Variants in LRP2BP observed in about 807,000 individuals in gnomAD.
LRP2BP encodes LRP2 binding protein, also known as LRP2-binding protein.
A neutral mutation model predicts 45.2 loss-of-function variants in LRP2BP; 38 were observed. The observed-to-expected ratio is 0.84, with a 90% confidence interval of 0.65 to 1.10. The LOEUF is 1.10. Among genes scored for constraint, LRP2BP ranks in the 50% least tolerant of loss-of-function variants. The pLI is 0.00. For missense variants in LRP2BP, 385 were observed against 418.9 expected, an observed-to-expected ratio of 0.92 and a Z score of 0.71; for synonymous variants, 153 against 153.9, an observed-to-expected ratio of 0.99 and a Z score of 0.04.
Position 185,394,791 on chromosome 4 carries a change from G to T in LRP2BP, c.-34C>A, listed in dbSNP as rs570358373. The T allele has an allele frequency of 2.0e-6, 2 of 984,970 alleles. No individual in the cohort carries two copies. Among genetic ancestry groups the T allele is most frequent in the Non-Finnish European group, 2.4e-6 (2 of 829,804 alleles). 61.0% of individuals were successfully genotyped at this position (984,970 alleles called of 1,614,324 possible). A position where few individuals can be genotyped will look rare whatever the true frequency, so the allele number is the denominator to read the frequency against. On this transcript the variant is annotated 5_prime_UTR_variant, in exon 1 of 9. Transcript: ENST00000505916. ...TTCGGTCACTTACTCATCATCCAAC[G>T]TTTTTTTTAACACTCGCTGTAAATG...
rs1481110954 is a variant in LRP2BP at position 185,366,166 on chromosome 4, A to G, written c.*1014T>C. ...TTTCACAAATGAATAGCCTTGTACA[A>G]TCTTATGCATATGGATCTTACTGTT... On this transcript the variant is annotated 3_prime_UTR_variant, in exon 9 of 9. Transcript: ENST00000505916. 6.6e-6 allele frequency: 1 copy of G among 152,230 alleles called. No individual in the cohort carries two copies. The highest frequency in any genetic ancestry group is 1.9e-4 in the East Asian group (1 of 5,206). 9.4% of individuals were successfully genotyped at this position (152,230 alleles called of 1,614,324 possible).
intron 2 of LRP2BP, chr4:185,377,877 A>G (rs1176877090): frequency 1.8e-5 from 9 of 505,862 alleles, no homozygotes; most frequent in Non-Finnish European, 3.1e-5. Flanking sequence ...ATCAAGACCT[A>G]ACTATCTGTG....
chr4:185,373,081 TAAGAA>T lies in LRP2BP; in HGVS notation c.580-7_580-3del. 1 of 1,603,176 alleles carries T rather than the reference TAAGAA, an allele frequency of 6.2e-7. No homozygotes were observed. Among genetic ancestry groups the T allele is most frequent in the Non-Finnish European group, 8.5e-7 (1 of 1,170,668 alleles). Reference sequence around the variant, plus strand: ...TGCTTCGGAATGCCAGTAAAATGCCTAAGAAAAGCACAGTTTCATCATTGTATTTG... The same window carrying T: ...TGCTTCGGAATGCCAGTAAAATGCCTAAGCACAGTTTCATCATTGTATTTG... On this transcript the variant is annotated splice_region_variant and splice_polypyrimidine_tract_variant and intron_variant, in intron 6 of 8. Transcript: ENST00000505916.
intron 1 of LRP2BP, among the ~76,000 whole-genome samples, chr4:185,393,084 C>G (rs1304580054): frequency 6.6e-6 from 1 of 152,166 alleles, no homozygotes; most frequent in Non-Finnish European, 1.5e-5. Flanking sequence ...CAGGCACGCA[C>G]CACACACCTG....
rs760858812 is a variant in LRP2BP at position 185,364,565 on chromosome 4, A to G, written c.*2615T>C. ...TTTATATACGTATGATATACATATC[A>G]TACCTGCTAACTTCTTGATAAGAAA... On this transcript the variant is annotated 3_prime_UTR_variant, in exon 9 of 9. Coordinates refer to ENST00000505916, the MANE Select transcript of LRP2BP (RefSeq NM_001377440.1). 2 of 152,240 alleles carry G rather than the reference A, an allele frequency of 1.3e-5. No individual in the cohort carries two copies. Among genetic ancestry groups the G allele is most frequent in the Non-Finnish European group, 2.9e-5 (2 of 68,046 alleles). The allele number at this position is 152,240 out of a possible 1,614,324, so 9.4% of individuals were successfully genotyped here. A position where few individuals can be genotyped will look rare whatever the true frequency, so the allele number is the denominator to read the frequency against.
At chr4:185,391,954 T>C (rs2095489467) in intron 1 of LRP2BP, among the ~76,000 whole-genome samples, 1 of 152,234 alleles carries the variant, frequency 6.6e-6, no homozygotes, top group African/African-American at 2.4e-5. Flanking sequence ...CATCTGAATC[T>C]ATATTAAGCT....
intron 2 of LRP2BP, chr4:185,377,667 G>A (rs1442834349): frequency 5.9e-6 from 1 of 170,058 alleles, no homozygotes; most frequent in East Asian, 1.7e-4. Context: ...GGAGAGGTGA[G>A]TTAAATTCTT....
At chr4:185,374,977 G>A (rs182490699) in intron 4 of LRP2BP, among the ~76,000 whole-genome samples, 83 of 152,124 alleles carry the variant, frequency 5.5e-4, no homozygotes, top group African/African-American at 1.8e-3. Context: ...CATCTGCTAC[G>A]TGGTCACAAG....
rs1284487776 is a variant in LRP2BP, at chr4:185,366,098, T to C, written c.*1082A>G. 1.3e-5 allele frequency: 2 copies of C among 152,336 alleles called. No individual in the cohort carries two copies. The highest frequency in any genetic ancestry group is 1.9e-4 in the East Asian group (1 of 5,186). 9.4% of individuals were successfully genotyped at this position (152,336 alleles called of 1,614,324 possible). On this transcript the variant is annotated 3_prime_UTR_variant, in exon 9 of 9. Coordinates refer to ENST00000505916, the MANE Select transcript of LRP2BP (RefSeq NM_001377440.1). ...TTTAATATGTTTATAAAAAAAGGAA[T>C]AGTTAAGGTATCTCTGAGACCTGTC...
At chr4:185,394,515 G>A (rs2095496733) in intron 1 of LRP2BP, among the ~76,000 whole-genome samples, 1 of 152,190 alleles carries the variant, frequency 6.6e-6, no homozygotes, top group Admixed American at 6.5e-5. Flanking sequence ...TGAGGCACAA[G>A]TGCTCAATTA....
intron 1 of LRP2BP, among the ~76,000 whole-genome samples, chr4:185,393,414 G>T (rs2095493511): frequency 6.6e-6 from 1 of 152,116 alleles, no homozygotes; most frequent in African/African-American, 2.4e-5. Flanking sequence ...TAAGAAACAG[G>T]AAAACCACAG....
rs2095500858 is a variant in LRP2BP at position 185,395,865 on chromosome 4, A to T, written c.-1108T>A. The T allele has an allele frequency of 2.0e-6, 2 of 985,464 alleles. No individual in the cohort carries two copies. The highest frequency in any genetic ancestry group is 3.5e-5 in the African/African-American group (2 of 57,348). 61.0% of individuals were successfully genotyped at this position (985,464 alleles called of 1,614,324 possible). On this transcript the variant is annotated 5_prime_UTR_variant, in exon 1 of 9. Coordinates refer to ENST00000505916, the MANE Select transcript of LRP2BP (RefSeq NM_001377440.1). Reference sequence around the variant, plus strand: ...ACTAAAAATGTAGGGGAAAAGAAACACTCGGCTGGAGCTTTGGTTTCTAAG... The same window carrying T: ...ACTAAAAATGTAGGGGAAAAGAAACTCTCGGCTGGAGCTTTGGTTTCTAAG...
upstream of LRP2BP, chr4:185,396,363 A>G (rs10028515): frequency 0.99 from 150,785 of 152,732 alleles, 74,449 homozygotes; most frequent in East Asian, 1. Flanking sequence ...CGTGGCTCCC[A>G]GTTTCCTGGT....
rs2095388010 is a variant in LRP2BP, at chr4:185,366,345, A to G, written c.*835T>C. On this transcript the variant is annotated 3_prime_UTR_variant, in exon 9 of 9. Transcript: ENST00000505916. ...ATGGAAAATGAGCTGAAGCACAAAG[A>G]AACAATTTGCTTTACTTTTCTTACG... The G allele has an allele frequency of 6.6e-6, 1 of 152,244 alleles. No homozygotes were observed. Among genetic ancestry groups the G allele is most frequent in the African/African-American group, 2.4e-5 (1 of 41,472 alleles). 9.4% of individuals were successfully genotyped at this position (152,244 alleles called of 1,614,324 possible).
intron 1 of LRP2BP, among the ~76,000 whole-genome samples, chr4:185,385,187 G>A (rs1156535226): frequency 1.3e-5 from 2 of 152,110 alleles, no homozygotes; most frequent in African/African-American, 2.4e-5. Flanking sequence ...TCTTCCCGCC[G>A]TTTGTGTGGG....
chr4:185,370,983 GAGA>G (rs2095412851), intron 7 of LRP2BP, 169 bp from the exon 8 acceptor site: 3 of 598,772 alleles, frequency 5.0e-6, no homozygotes, highest in African/African-American at 1.8e-5. Context: ...CTCATACCAG[GAGA>G]AGATGAGCTT....
intron 1 of LRP2BP, among the ~76,000 whole-genome samples, chr4:185,385,402 T>C (rs373353507): frequency 6.6e-6 from 1 of 152,092 alleles, no homozygotes; most frequent in African/African-American, 2.4e-5. Context: ...ACATAAATCA[T>C]AAAAAGAATT....
At chr4:185,393,105 GT>G (rs1387154291) in intron 1 of LRP2BP, among the ~76,000 whole-genome samples, 1 of 152,060 alleles carries the variant, frequency 6.6e-6, no homozygotes, top group Admixed American at 6.5e-5. Context: ...GCTAATTTTT[GT>G]ATTTTTAGTA....
rs182461835 is a variant in LRP2BP at position 185,374,176 on chromosome 4, C to T, written c.538G>A (p.Gly180Arg). 12 of 1,614,068 alleles carry T rather than the reference C, an allele frequency of 7.4e-6. No individual in the cohort carries two copies. The highest frequency in any genetic ancestry group is 6.7e-5 in the Admixed American group (4 of 60,006). Reference sequence around the variant, plus strand: ...GGCTCCTTGGTTGAGTAATACAGCCCGAGCATACTTTGAGCCTTCACACTA... The same window carrying T: ...GGCTCCTTGGTTGAGTAATACAGCCTGAGCATACTTTGAGCCTTCACACTA... ...KASVKAQSML[G>R]LYYSTKEPKE... is the part of the protein sequence containing the mutation. Residue 180 changes from glycine to arginine, a missense_variant, in exon 6 of 9, where the codon GGG (glycine) becomes AGG (arginine). Gly to Arg is a moderately radical substitution (Grantham distance 125). Transcript: ENST00000505916.
Sources: allele counts gnomAD v4.1 joint callset (sites outside exome capture counted in the v4.1 genomes callset), GRCh38; gene constraint gnomAD v4.1.1; transcripts MANE v1.5; gene names NCBI Gene and HGNC (gene_info 2026-07-23, HGNC 2026-07-21).